PDIA5: variants seen among roughly 807,000 people sequenced by gnomAD.
PDIA5 encodes protein disulfide-isomerase A5.
In PDIA5, 58 loss-of-function variants were observed where a neutral mutation model predicts 77.6. The ratio of observed to expected loss-of-function variants is 0.75; its 90% CI spans 0.61 to 0.93. PDIA5 has a LOEUF of 0.93. PDIA5 is among the 40% of genes least tolerant of loss of function. The pLI, the probability that PDIA5 is intolerant of heterozygous loss-of-function variation, is 0.00. For missense variants in PDIA5, 630 were observed against 647.7 expected, an observed-to-expected ratio of 0.97 and a Z score of 0.30; for synonymous variants, 250 against 252.1, an observed-to-expected ratio of 0.99 and a Z score of 0.08.
At chr3:123,074,099 A>G (rs1436272484) in intron 1 of PDIA5, among the ~76,000 whole-genome samples, 1 of 152,240 alleles carries the variant, frequency 6.6e-6, no homozygotes, top group Non-Finnish European at 1.5e-5. Flanking sequence ...AAGGTGGACC[A>G]ACATCAGCAT....
At chr3:123,098,702 GAAC>G (rs3840215) in intron 3 of PDIA5, among the ~76,000 whole-genome samples, 23,460 of 152,094 alleles carry the variant, frequency 0.15, 1,838 homozygotes, top group Non-Finnish European at 0.19. Context: ...TCATTCCTTG[GAAC>G]AGTGGTGAGT....
chr3:123,081,593 G>A (rs1030664021), intron 1 of PDIA5, among the ~76,000 whole-genome samples: 3 of 152,162 alleles, frequency 2.0e-5, no homozygotes, highest in South Asian at 2.1e-4. Context: ...CTTAACATAA[G>A]GGTATCTTTT....
At chr3:123,108,617 C>CAG (rs77898414) in intron 6 of PDIA5, among the ~76,000 whole-genome samples, 4 of 147,130 alleles carry the variant, frequency 2.7e-5, no homozygotes, top group Non-Finnish European at 4.5e-5. Context: ...GGGCCCGGCA[C>CAG]TGGCTCACGC....
At chr3:123,105,274 C>T (rs887034330) in intron 5 of PDIA5, among the ~76,000 whole-genome samples, 4 of 152,186 alleles carry the variant, frequency 2.6e-5, no homozygotes, top group Admixed American at 2.6e-4. Flanking sequence ...CCTGAAGTCC[C>T]TTGTGCACCC....
chr3:123,104,313 AGAGGGAAGGGGACAGGACAGTTCCCT>A (rs1308543547), intron 5 of PDIA5, among the ~76,000 whole-genome samples: 2 of 152,186 alleles, frequency 1.3e-5, no homozygotes, highest in African/African-American at 2.4e-5. Context: ...TCTTCAGGGC[AGAGGGAAGGGGACAGGACAGTTCCCT>A]GACTGCTGAT....
In PDIA5 at chr3:123,161,455, A is replaced by G; in HGVS notation, c.1479A>G (p.Thr493=). The G allele has an allele frequency of 1.9e-6, 3 of 1,613,574 alleles. No individual in the cohort carries two copies. Among genetic ancestry groups the G allele is most frequent in the Non-Finnish European group, 2.5e-6 (3 of 1,179,788 alleles). Residue 493 remains threonine (T), a splice_region_variant and synonymous_variant, in exon 16 of 17, where the codon ACA becomes ACG. Coordinates refer to ENST00000316218, the MANE Select transcript of PDIA5 (RefSeq NM_006810.4). ...KFAEKYDSDR[T]ELGFTNYIRA... ...CAGAAAAGTATGACAGCGACCGCAC[A>G]GTAAGTGGGGGAGAGGCGTCTGCCC...
intron 11 of PDIA5, among the ~76,000 whole-genome samples, chr3:123,136,085 C>G (rs1042766924): frequency 6.6e-6 from 1 of 151,492 alleles, no homozygotes; most frequent in Non-Finnish European, 1.5e-5. Context: ...CACGGGCCAC[C>G]ACACCTGGCT....
chr3:123,090,172 T>C (rs1255428575), intron 2 of PDIA5, among the ~76,000 whole-genome samples: 3 of 152,202 alleles, frequency 2.0e-5, no homozygotes, highest in African/African-American at 7.2e-5. Flanking sequence ...ACGTGGGATG[T>C]GTTCATTGCC....
intron 10 of PDIA5, among the ~76,000 whole-genome samples, chr3:123,129,694 C>T (rs552740436): frequency 3.2e-3 from 490 of 152,298 alleles, no homozygotes; most frequent in Non-Finnish European, 5.6e-3. Flanking sequence ...AGGGCCCCTG[C>T]GAGCCTCCCT....
rs770657979 is a variant in PDIA5, at chr3:123,145,636, T to C, written c.981+44T>C. The C allele has an allele frequency of 2.1e-5, 31 of 1,502,148 alleles. No homozygotes were observed. The South Asian group carries it at 3.4e-4, about 16-fold the overall frequency. 93.1% of individuals were successfully genotyped at this position (1,502,148 alleles called of 1,614,324 possible). On this transcript the variant is annotated intron_variant, in intron 12 of 16. Coordinates refer to ENST00000316218, the MANE Select transcript of PDIA5 (RefSeq NM_006810.4). ...CCCCTCACCGTTCTCTTTGAAAGAA[T>C]CACTGACAGGTGGAATCATTATGAC... is the stretch of plus-strand genomic sequence containing the variant.
chr3:123,126,523 CCACCCTATT>C lies in PDIA5; in HGVS notation c.773+2181_773+2189del, dbSNP rs369181007. 1.5e-3 allele frequency among the ~76,000 whole-genome samples: 230 copies of C among 152,304 alleles called. 1 individual carries two copies. The highest frequency in any genetic ancestry group is 5.3e-3 in the African/African-American group (222 of 41,556). On this transcript the variant is annotated intron_variant, in intron 10 of 16. Coordinates refer to ENST00000316218, the MANE Select transcript of PDIA5 (RefSeq NM_006810.4). The stretch of plus-strand genomic sequence containing the variant: ...GTGTGGTTAAACAAAAAGTCCTCCC[CCACCCTATT>C]ACCCAAAGATAGCATATTGTTATTA...
At position 123,133,515 on chromosome 3, in the gene PDIA5, A is replaced by C. The variant is rs1470621791; in HGVS notation, c.910+2899A>C. Among the ~76,000 whole-genome samples the C allele has an allele frequency of 1.3e-5, 2 of 152,202 alleles. 1 individual carries two copies. Among genetic ancestry groups the C allele is most frequent in the South Asian group, 4.1e-4 (2 of 4,830 alleles). Reference sequence around the variant, plus strand: ...TGAATTAGCGTGTCTTTCTTTTATCAAGACATTTGACAAAATGAGTTGCTG... The same window carrying C: ...TGAATTAGCGTGTCTTTCTTTTATCCAGACATTTGACAAAATGAGTTGCTG... On this transcript the variant is annotated intron_variant, in intron 11 of 16. Coordinates refer to ENST00000316218, the MANE Select transcript of PDIA5 (RefSeq NM_006810.4).
intron 3 of PDIA5, among the ~76,000 whole-genome samples, chr3:123,096,188 C>T (rs904790456): frequency 5.3e-5 from 8 of 151,876 alleles, no homozygotes; most frequent in African/African-American, 9.7e-5. Flanking sequence ...CCCCCTGCAC[C>T]GCCCCATTGC....
At chr3:123,082,653 G>A (rs1195605401) in intron 1 of PDIA5, among the ~76,000 whole-genome samples, 1 of 152,080 alleles carries the variant, frequency 6.6e-6, no homozygotes, top group African/African-American at 2.4e-5. Flanking sequence ...TGGTCCCCGT[G>A]TTACTGCTGT....
chr3:123,148,438 G>A (rs139921426), intron 13 of PDIA5, among the ~76,000 whole-genome samples: 63 of 152,118 alleles, frequency 4.1e-4, no homozygotes, highest in Non-Finnish European at 8.7e-4. Flanking sequence ...GCATGGTGGT[G>A]TGCGCCTATA....
intron 5 of PDIA5, among the ~76,000 whole-genome samples, chr3:123,104,192 G>A (rs1035101531): frequency 1.3e-4 from 20 of 152,162 alleles, no homozygotes; most frequent in African/African-American, 4.6e-4. Context: ...CATCAACAAG[G>A]TGAAGAAGTG....
At chr3:123,155,686 C>T (rs545743970) in intron 15 of PDIA5, among the ~76,000 whole-genome samples, 8 of 152,200 alleles carry the variant, frequency 5.3e-5, no homozygotes, top group South Asian at 2.1e-4. Flanking sequence ...CCATGCCAGG[C>T]GGAGCACTGG....
intron 3 of PDIA5, among the ~76,000 whole-genome samples, chr3:123,095,073 A>T (rs1009629748): frequency 6.6e-6 from 1 of 152,186 alleles, no homozygotes; most frequent in Non-Finnish European, 1.5e-5. Context: ...GCTGACTGCT[A>T]ACTAGTTAGT....
At chr3:123,116,372 G>A (rs1934998862) in intron 8 of PDIA5, 74 bp downstream of exon 8, 5 of 1,100,416 alleles carry the variant, frequency 4.5e-6, no homozygotes, top group Admixed American at 1.7e-5. Context: ...CAGGGGTGGG[G>A]TGGGGACAGG....
Sources: allele counts gnomAD v4.1 joint callset (sites outside exome capture counted in the v4.1 genomes callset), GRCh38; gene constraint gnomAD v4.1.1; transcripts MANE v1.5; gene names NCBI Gene and HGNC (gene_info 2026-07-23, HGNC 2026-07-21).